The following FOXP2 variants were observed in gnomAD, a reference collection of about 807,000 sequenced individuals.
The protein encoded by FOXP2 is forkhead box protein P2.
FOXP2 carries 12 observed loss-of-function variants against 115.8 expected under a neutral mutation model. The ratio of observed to expected loss-of-function variants is 0.10; its 90% CI spans 0.07 to 0.17. The LOEUF (loss-of-function observed/expected upper bound fraction) is 0.17, where lower values mean the gene tolerates loss of function less well. FOXP2 is among the 10% of genes least tolerant of loss of function. The pLI is 1.00. For synonymous variants in FOXP2, 328 were observed against 297.7 expected (o/e 1.10, Z -1.05); for missense variants, 629 against 843.5 (o/e 0.75, Z 3.15).
At chr7:114,131,693 T>TA (rs1285112323) in intron 1 of FOXP2, among the ~76,000 whole-genome samples, 1 of 152,154 alleles carries the variant, frequency 6.6e-6, no homozygotes, top group African/African-American at 2.4e-5. Flanking sequence ...TAGTAGCACA[T>TA]AAAAAATTTG....
chr7:114,378,266 A>C (rs1474651003), intron 2 of FOXP2, among the ~76,000 whole-genome samples: 2 of 152,202 alleles, frequency 1.3e-5, no homozygotes, highest in African/African-American at 4.8e-5. Context: ...CATAGGAGTT[A>C]GATGGAGTAT....
At chr7:114,298,528 A>AT (rs893023833) in intron 2 of FOXP2, among the ~76,000 whole-genome samples, 1 of 152,202 alleles carries the variant, frequency 6.6e-6, no homozygotes, top group African/African-American at 2.4e-5. Context: ...CTGACTTAAT[A>AT]TTCCCAATCT....
chr7:114,277,374 G>A (rs191438725), intron 1 of FOXP2, among the ~76,000 whole-genome samples: 6 of 152,166 alleles, frequency 3.9e-5, no homozygotes, highest in Admixed American at 2.0e-4. Context: ...ATTGCCCACC[G>A]TCGTTTCAGG....
intron 2 of FOXP2, among the ~76,000 whole-genome samples, chr7:114,358,035 A>G (rs1203669069): frequency 6.6e-6 from 1 of 152,156 alleles, no homozygotes. Flanking sequence ...CCCAAATCTC[A>G]TCTTGAATTG....
chr7:114,120,777 T>C (rs1329053658), intron 1 of FOXP2, among the ~76,000 whole-genome samples: 1 of 151,964 alleles, frequency 6.6e-6, no homozygotes, highest in Non-Finnish European at 1.5e-5. Flanking sequence ...AAAAGTGTTA[T>C]TTTAATTTAC....
chr7:114,257,318 T>A (rs1795640446), intron 1 of FOXP2, among the ~76,000 whole-genome samples: 1 of 152,074 alleles, frequency 6.6e-6, no homozygotes, highest in Admixed American at 6.5e-5. Context: ...GACTTAAATG[T>A]AAAACCCCAA....
intron 3 of FOXP2, among the ~76,000 whole-genome samples, chr7:114,610,283 A>G (rs1008157135): frequency 6.6e-6 from 1 of 152,214 alleles, no homozygotes; most frequent in African/African-American, 2.4e-5. Context: ...TATATCTACA[A>G]AATGATTGAG....
rs145961115 is a variant in FOXP2, at chr7:114,692,008, A to G, written c.*2082A>G. 1,520 of 451,776 alleles carry G rather than the reference A, an allele frequency of 3.4e-3. 16 individuals are homozygous for G. Among genetic ancestry groups the G allele is most frequent in the Middle Eastern group, 0.011 (16 of 1,402 alleles). The allele number at this position is 451,776 out of a possible 1,614,324, so 28.0% of individuals were successfully genotyped here. On this transcript the variant is annotated 3_prime_UTR_variant, in exon 17 of 17. Coordinates refer to ENST00000350908, the MANE Select transcript of FOXP2 (RefSeq NM_014491.4). Reference sequence around the variant, plus strand: ...ATTGCATGAAACGTGAGAACGTCACAGTAACTGCTACTTTTCATTATGTTT... The same window carrying G: ...ATTGCATGAAACGTGAGAACGTCACGGTAACTGCTACTTTTCATTATGTTT...
chr7:114,468,110 G>A (rs1476541330), intron 2 of FOXP2, among the ~76,000 whole-genome samples: 1 of 152,074 alleles, frequency 6.6e-6, no homozygotes, highest in African/African-American at 2.4e-5. Flanking sequence ...CATTATAACT[G>A]TTTATGAGAA....
intron 2 of FOXP2, among the ~76,000 whole-genome samples, chr7:114,464,030 A>G (rs1795700784): frequency 3.3e-5 from 5 of 152,134 alleles, no homozygotes; most frequent in Admixed American, 3.3e-4. Flanking sequence ...AGGAAACAGA[A>G]TCCATAGAGA....
At chr7:114,186,100 C>T (rs1384956164) in intron 1 of FOXP2, among the ~76,000 whole-genome samples, 1 of 152,132 alleles carries the variant, frequency 6.6e-6, no homozygotes, top group African/African-American at 2.4e-5. Context: ...CCTCTTAATA[C>T]TGTTACAATG....
intron 3 of FOXP2, among the ~76,000 whole-genome samples, chr7:114,547,431 G>T (rs1327614270): frequency 1.3e-5 from 2 of 152,246 alleles, no homozygotes; most frequent in African/African-American, 2.4e-5. Context: ...GGAACCGGAA[G>T]TGAGATACCT....
chr7:114,471,321 A>G (rs890668510), intron 2 of FOXP2, among the ~76,000 whole-genome samples: 1 of 152,106 alleles, frequency 6.6e-6, no homozygotes, highest in Non-Finnish European at 1.5e-5. Context: ...TTGCATTTCT[A>G]TATTTTTTCT....
rs35525759 is a variant in FOXP2 at position 114,678,547 on chromosome 7, C to CTTTTTT, written c.2004-11214_2004-11209dup. On this transcript the variant is annotated intron_variant, in intron 16 of 16. Coordinates refer to ENST00000350908, the MANE Select transcript of FOXP2 (RefSeq NM_014491.4). The stretch of plus-strand genomic sequence containing the variant: ...TACTTCTCTCCGGAAATAAGTGACT[C>CTTTTTT]TTTTTTTTTTTTTTTTTTTTTTTTT... 7.8e-4 allele frequency among the ~76,000 whole-genome samples: 38 copies of CTTTTTT among 48,410 alleles called. 5 individuals are homozygous for CTTTTTT. The highest frequency in any genetic ancestry group is 1.0e-3 in the Non-Finnish European group (26 of 25,162). The allele number at this position is 48,410 out of a possible 152,430, so 31.8% of individuals were successfully genotyped here. A position where few individuals can be genotyped will look rare whatever the true frequency, so the allele number is the denominator to read the frequency against.
rs398124272 is a variant in FOXP2, at chr7:114,629,915, GCAA to G, written c.522_524del (p.Gln191del). 2,903 of 1,607,486 alleles carry G rather than the reference GCAA, an allele frequency of 1.8e-3. 26 individuals are homozygous for G. The East Asian group carries it at 0.026, about 14-fold the overall frequency. On this transcript the variant is annotated inframe_deletion, in exon 5 of 17. Transcript: ENST00000350908. ...AACAACAGCAGCAACAACAGCAGCA[GCAA>G]CAACAACAACAACAGCAGCAACAAC...
At chr7:114,574,207 A>G (rs116090950) in intron 3 of FOXP2, among the ~76,000 whole-genome samples, 182 of 151,948 alleles carry the variant, frequency 1.2e-3, no homozygotes, top group African/African-American at 3.9e-3. Flanking sequence ...TTGTATTTGA[A>G]GAAATATTTG....
chr7:114,372,308 A>G (rs1011760176), intron 2 of FOXP2, among the ~76,000 whole-genome samples: 1 of 152,180 alleles, frequency 6.6e-6, no homozygotes, highest in Admixed American at 6.5e-5. Flanking sequence ...ATTCCCCCAA[A>G]GATCATATAA....
intron 2 of FOXP2, among the ~76,000 whole-genome samples, chr7:114,402,368 G>T (rs2129196881): frequency 6.6e-6 from 1 of 152,202 alleles, no homozygotes; most frequent in Middle Eastern, 3.4e-3. Context: ...CTGTCAAGAT[G>T]CTTTCAAGAG....
intron 1 of FOXP2, among the ~76,000 whole-genome samples, chr7:114,253,503 T>C (rs1203947864): frequency 2.6e-5 from 4 of 152,200 alleles, no homozygotes; most frequent in East Asian, 1.9e-4. Flanking sequence ...ATATTTAGGA[T>C]AGTTAGCTCT....
Sources: gnomAD v4.1 joint callset for allele counts (sites outside exome capture counted in the v4.1 genomes callset) on GRCh38, gnomAD v4.1.1 for gene constraint, MANE v1.5 for transcripts, NCBI Gene and HGNC (gene_info 2026-07-23, HGNC 2026-07-21) for gene names.